Variants in MFSD6 observed in about 807,000 individuals in gnomAD.
MFSD6 encodes major facilitator superfamily domain containing 6.
MFSD6 carries 26 observed loss-of-function variants against 56.3 expected under a neutral mutation model. That is an observed-to-expected ratio of 0.46 (90% confidence interval 0.34 to 0.64). The LOEUF is 0.64. Among genes scored for constraint, MFSD6 ranks in the 30% least tolerant of loss-of-function variants. The probability of loss-of-function intolerance (pLI) is 0.01; values close to 1 mark genes in which losing one functional copy is unlikely to be tolerated. For synonymous variants in MFSD6, 331 were observed against 366.9 expected, an observed-to-expected ratio of 0.90 and a Z score of 1.12; for missense variants, 750 against 986.2, an observed-to-expected ratio of 0.76 and a Z score of 3.21.
intron 4 of MFSD6, chr2:190,477,399 A>G: frequency 1.0e-6 from 1 of 953,080 alleles, no homozygotes. Context: ...CAGAAAAGAA[A>G]TGACTATATA....
Position 190,437,481 on chromosome 2 carries a change from CT to C in MFSD6, c.1453del (p.Cys485ValfsTer4). 1 of 1,614,222 alleles carries C rather than the reference CT, an allele frequency of 6.2e-7. No homozygotes were observed. Among genetic ancestry groups the C allele is most frequent in the Non-Finnish European group, 8.5e-7 (1 of 1,180,044 alleles). ...LNGTTTLFGV[C>X]SVLSHVSELT... is the part of the protein sequence containing the mutation. ...ATGGAACTACAACCCTCTTTGGGGT[CT>C]GTTCAGTCCTGAGTCATGTGTCTGA... On this transcript the variant is annotated frameshift_variant, in exon 3 of 8. Transcript: ENST00000392328. LOFTEE classifies it high-confidence loss of function. The surrounding 1 kb of genome is among the most constrained non-coding windows in gnomAD (Gnocchi z 5.9).
rs1278672909 is a variant in MFSD6 at position 190,408,395 on chromosome 2, G to T, written c.-284G>T. Reference sequence around the variant, plus strand: ...GAGCGCGCGAGCAGCCCGGGATGGTGCGCGCTGCCCCGACAGCCGCCGCCC... The same window carrying T: ...GAGCGCGCGAGCAGCCCGGGATGGTTCGCGCTGCCCCGACAGCCGCCGCCC... On this transcript the variant is annotated 5_prime_UTR_variant, in exon 1 of 8. Coordinates refer to ENST00000392328, the MANE Select transcript of MFSD6 (RefSeq NM_017694.4). The T allele has an allele frequency of 6.6e-6, 1 of 150,704 alleles. No individual in the cohort carries two copies. The highest frequency in any genetic ancestry group is 1.5e-5 in the Non-Finnish European group (1 of 67,292). 9.3% of individuals were successfully genotyped at this position (150,704 alleles called of 1,614,324 possible).
upstream of MFSD6, among the ~76,000 whole-genome samples, chr2:190,407,963 TG>T (rs912819213): frequency 8.6e-5 from 13 of 150,898 alleles, no homozygotes; most frequent in South Asian, 2.1e-4. The surrounding 1 kb of genome is among the most constrained non-coding windows in gnomAD (Gnocchi z 5.4). Context: ...GGAAGTCGCT[TG>T]GGGGTGCGGG....
At chr2:190,446,862 C>T (rs978983963) in intron 3 of MFSD6, among the ~76,000 whole-genome samples, 1 of 152,190 alleles carries the variant, frequency 6.6e-6, no homozygotes, top group African/African-American at 2.4e-5. Flanking sequence ...TAAGACTGTA[C>T]TGATTCTATT....
In MFSD6 at chr2:190,410,493, A is replaced by C. The variant is rs1237262346; in HGVS notation, c.-176+1990A>C. ...TGCCTTTGAAAATTAACTTGATTTCAATGTACATGTATTACTTATGTTAAC... is the reference window on the plus strand; with the variant it reads ...TGCCTTTGAAAATTAACTTGATTTCCATGTACATGTATTACTTATGTTAAC... On this transcript the variant is annotated intron_variant, in intron 1 of 7. Coordinates refer to ENST00000392328, the MANE Select transcript of MFSD6 (RefSeq NM_017694.4). The surrounding 1 kb of genome is among the most constrained non-coding windows in gnomAD (Gnocchi z 4.4). Among the ~76,000 whole-genome samples, 1 of 152,222 alleles carries C rather than the reference A, an allele frequency of 6.6e-6. No individual in the cohort carries two copies. Among genetic ancestry groups the C allele is most frequent in the African/African-American group, 2.4e-5 (1 of 41,452 alleles).
Position 190,425,051 on chromosome 2 carries a change from A to G in MFSD6, c.-54+9638A>G, listed in dbSNP as rs1685745264. 6.6e-6 allele frequency among the ~76,000 whole-genome samples: 1 copy of G among 152,238 alleles called. No individual in the cohort carries two copies. The highest frequency in any genetic ancestry group is 2.4e-5 in the African/African-American group (1 of 41,464). The stretch of plus-strand genomic sequence containing the variant: ...CTTTCATCAGCATTTTATGGTTTTC[A>G]GCATAAGGCCTTGTACACATTTTTT... On this transcript the variant is annotated intron_variant, in intron 2 of 7. Coordinates refer to ENST00000392328, the MANE Select transcript of MFSD6 (RefSeq NM_017694.4). This position sits in a 1 kb window ranked among gnomAD's most constrained non-coding sequence, Gnocchi z 4.3.
rs150493870 is a variant in MFSD6, at chr2:190,459,342, A to G, written c.1533-10416A>G. ...CTTCGTCAAATTTAGCTTAGGGTCA[A>G]GTAAAACTCTTGAGGCCTTTTTAAA... On this transcript the variant is annotated intron_variant, in intron 3 of 7. Transcript: ENST00000392328. The surrounding 1 kb of genome is among the most constrained non-coding windows in gnomAD (Gnocchi z 5.3). 1.3e-4 allele frequency among the ~76,000 whole-genome samples: 20 copies of G among 152,342 alleles called. No individual in the cohort carries two copies. The East Asian group carries it at 3.9e-3, about 29-fold the overall frequency.
chr2:190,480,458 GA>G (rs1688597542), intron 4 of MFSD6, among the ~76,000 whole-genome samples: 1 of 152,158 alleles, frequency 6.6e-6, no homozygotes, highest in Non-Finnish European at 1.5e-5. Flanking sequence ...AGTATCTGAA[GA>G]AAATTTGAAA....
chr2:190,424,014 C>A lies in MFSD6; in HGVS notation c.-54+8601C>A, dbSNP rs1249891958. ...GATTGTTTGTTGAGTTTGGAGAATTCTTTACATATTCTAGAAACTAATCCT... is the reference window on the plus strand; with the variant it reads ...GATTGTTTGTTGAGTTTGGAGAATTATTTACATATTCTAGAAACTAATCCT... On this transcript the variant is annotated intron_variant, in intron 2 of 7. Transcript: ENST00000392328. The surrounding 1 kb of genome is among the most constrained non-coding windows in gnomAD (Gnocchi z 5.9). Among the ~76,000 whole-genome samples the A allele has an allele frequency of 6.6e-6, 1 of 152,146 alleles. No homozygotes were observed. The highest frequency in any genetic ancestry group is 2.4e-5 in the African/African-American group (1 of 41,424).
intron 3 of MFSD6, among the ~76,000 whole-genome samples, chr2:190,452,858 T>C (rs1489722343): frequency 3.3e-5 from 5 of 152,244 alleles, no homozygotes; most frequent in Non-Finnish European, 5.9e-5. Context: ...GTGATTAAAC[T>C]AACTTGTACT....
Position 190,478,877 on chromosome 2 carries a change from C to G in MFSD6, c.1630+9022C>G, listed in dbSNP as rs534151832. On this transcript the variant is annotated intron_variant, in intron 4 of 7. Transcript: ENST00000392328. Reference sequence around the variant, plus strand: ...AAGTCTGTCTCTTTATCCTACCACCCTTGCTTTATCCCCAAAACACCACGA... The same window carrying G: ...AAGTCTGTCTCTTTATCCTACCACCGTTGCTTTATCCCCAAAACACCACGA... Among the ~76,000 whole-genome samples the G allele has an allele frequency of 2.0e-5, 3 of 152,220 alleles. No homozygotes were observed. The South Asian group carries it at 6.2e-4, about 32-fold the overall frequency.
chr2:190,428,968 C>G (rs1051616495), intron 2 of MFSD6, among the ~76,000 whole-genome samples: 2 of 152,042 alleles, frequency 1.3e-5, no homozygotes, highest in Non-Finnish European at 1.5e-5. Context: ...CCACCATGCC[C>G]AGCCTCAATC....
chr2:190,484,496 T>A (rs978448422), intron 4 of MFSD6, among the ~76,000 whole-genome samples: 4 of 152,242 alleles, frequency 2.6e-5, no homozygotes, highest in African/African-American at 9.6e-5. Flanking sequence ...TTCCTAAGAC[T>A]TCCTAAATCT....
chr2:190,435,895 C>T, intron 2 of MFSD6, 82 bp from the exon 3 acceptor site: 1 of 1,191,118 alleles, frequency 8.4e-7, no homozygotes, highest in Non-Finnish European at 1.2e-6. Context: ...TTTGTAACTG[C>T]TTAATTTCCT....
At position 190,487,231 on chromosome 2, in the gene MFSD6, C is replaced by T. The variant is rs566646338; in HGVS notation, c.1631-1426C>T. ...TGGCGGGCACTTGTAGTCCCAGCTA[C>T]TTGGGAGGCTGAAGCAGGAGGATCG... On this transcript the variant is annotated intron_variant, in intron 4 of 7. Transcript: ENST00000392328. This position sits in a 1 kb window ranked among gnomAD's most constrained non-coding sequence, Gnocchi z 5.5. Among the ~76,000 whole-genome samples the T allele has an allele frequency of 1.3e-5, 2 of 152,294 alleles. No individual in the cohort carries two copies. The highest frequency in any genetic ancestry group is 2.4e-5 in the African/African-American group (1 of 41,548).
At position 190,433,337 on chromosome 2, in the gene MFSD6, G is replaced by A. The variant is rs1157127295; in HGVS notation, c.-53-2640G>A. On this transcript the variant is annotated intron_variant, in intron 2 of 7. Transcript: ENST00000392328. The surrounding 1 kb of genome is among the most constrained non-coding windows in gnomAD (Gnocchi z 4.5). ...ATTTTTTCTTTTCAGATGATGAAAT[G>A]GAATTGGAGCCGCTGAGCTGGATAG... 6.6e-6 allele frequency: 1 copy of A among 152,180 alleles called. No homozygotes were observed. The highest frequency in any genetic ancestry group is 1.5e-5 in the Non-Finnish European group (1 of 68,032). The allele number at this position is 152,180 out of a possible 1,614,324, so 9.4% of individuals were successfully genotyped here.
intron 4 of MFSD6, among the ~76,000 whole-genome samples, chr2:190,473,750 A>C (rs1474487709): frequency 1.3e-5 from 2 of 152,236 alleles, no homozygotes; most frequent in Non-Finnish European, 2.9e-5. Context: ...TCTCCACCCC[A>C]AATCAACAGA....
rs568128474 is a variant in MFSD6, at chr2:190,415,652, C to G, written c.-54+239C>G. Among the ~76,000 whole-genome samples the G allele has an allele frequency of 3.5e-4, 53 of 152,218 alleles. No homozygotes were observed. The highest frequency in any genetic ancestry group is 1.2e-3 in the African/African-American group (49 of 41,524). ...AGAATTGATAGCTTATGGTAATTCT[C>G]AAGTTATCAGAACCCTAACAGCAAA... On this transcript the variant is annotated intron_variant, in intron 2 of 7. Coordinates refer to ENST00000392328, the MANE Select transcript of MFSD6 (RefSeq NM_017694.4). This position sits in a 1 kb window ranked among gnomAD's most constrained non-coding sequence, Gnocchi z 4.5.
Position 190,499,785 on chromosome 2 carries a change from A to G in MFSD6, c.2173-230A>G. The G allele has an allele frequency of 2.7e-6, 4 of 1,495,462 alleles. No homozygotes were observed. The highest frequency in any genetic ancestry group is 3.6e-6 in the Non-Finnish European group (4 of 1,112,236). The allele number at this position is 1,495,462 out of a possible 1,614,324, so 92.6% of individuals were successfully genotyped here. ...TGGTAGTAATGTTCCTTTTTCCACA[A>G]GACACGTCTGCTTATAGTGTTTGTG... On this transcript the variant is annotated intron_variant, in intron 7 of 7. Transcript: ENST00000392328. This position sits in a 1 kb window ranked among gnomAD's most constrained non-coding sequence, Gnocchi z 6.0.
Sources: gnomAD v4.1 joint callset for allele counts (sites outside exome capture counted in the v4.1 genomes callset) on GRCh38, gnomAD v4.1.1 for gene constraint, Gnocchi (gnomAD v3.1) non-coding constraint, MANE v1.5 for transcripts, NCBI Gene and HGNC (gene_info 2026-07-23, HGNC 2026-07-21) for gene names.